Variants in ZNF667 observed in about 807,000 individuals in gnomAD.
ZNF667 encodes myocardial ischemic preconditioning upregulated 1 ortholog.
A neutral mutation model predicts 31.8 loss-of-function variants in ZNF667; 13 were observed. The observed-to-expected ratio is 0.41, with a 90% CI of 0.27 to 0.65. The LOEUF is 0.65. Among genes scored for constraint, ZNF667 ranks in the 30% least tolerant of loss-of-function variants. ZNF667 has a pLI of 0.32. For synonymous variants in ZNF667, 228 were observed against 247.1 expected (o/e 0.92, Z 0.73); for missense variants, 642 against 725.6 (o/e 0.88, Z 1.32).
At chr19:56,468,169 A>T (rs1488347858) in intron 3 of ZNF667, 1 of 152,216 alleles carries the variant, frequency 6.6e-6, no homozygotes, top group African/African-American at 2.4e-5. Flanking sequence ...CACTTCGGGA[A>T]CTGCTTCAGG....
At chr19:56,449,440 C>G (rs10408270) in intron 6 of ZNF667, 5 of 255,138 alleles carry the variant, frequency 2.0e-5, no homozygotes, top group Admixed American at 4.8e-5. Flanking sequence ...CTTTGGGAGG[C>G]CAAGGCGGGC....
In ZNF667 at chr19:56,440,508, A is replaced by C; in HGVS notation, c.*654T>G. ...TATATTTGATAATTCTAGATCTGAG[A>C]AACAGACTCAAATTCTTTTTTCTGT... On this transcript the variant is annotated 3_prime_UTR_variant, in exon 7 of 7. Coordinates refer to ENST00000504904, the MANE Select transcript of ZNF667 (RefSeq NM_001321356.2). The C allele has an allele frequency of 7.3e-6, 6 of 821,986 alleles. No homozygotes were observed. Among genetic ancestry groups the C allele is most frequent in the Non-Finnish European group, 7.3e-6 (5 of 680,832 alleles). The allele number at this position is 821,986 out of a possible 1,614,324, so 50.9% of individuals were successfully genotyped here.
chr19:56,450,515 A>G (rs937596163), intron 6 of ZNF667, among the ~76,000 whole-genome samples: 1 of 152,224 alleles, frequency 6.6e-6, no homozygotes, highest in African/African-American at 2.4e-5. Flanking sequence ...TGACGAATAA[A>G]AAGTCATCTG....
rs111976244 is a variant in ZNF667, at chr19:56,463,772, C to T, written c.-59-1343G>A. Among the ~76,000 whole-genome samples, 1,007 of 152,172 alleles carry T rather than the reference C, an allele frequency of 6.6e-3. 10 individuals are homozygous for T. The highest frequency in any genetic ancestry group is 0.023 in the African/African-American group (965 of 41,514). Reference sequence around the variant, plus strand: ...AACTCCTGGGCTCAAGCAATCAGCCCGCCTAGGCCTTCCAAAGTGCTGGGA... The same window carrying T: ...AACTCCTGGGCTCAAGCAATCAGCCTGCCTAGGCCTTCCAAAGTGCTGGGA... On this transcript the variant is annotated intron_variant, in intron 3 of 6. Coordinates refer to ENST00000504904, the MANE Select transcript of ZNF667 (RefSeq NM_001321356.2).
Position 56,440,649 on chromosome 19 carries a change from T to TC in ZNF667, c.*512_*513insG. The TC allele has an allele frequency of 9.4e-6, 9 of 959,604 alleles. No homozygotes were observed. Among genetic ancestry groups the TC allele is most frequent in the African/African-American group, 1.8e-5 (1 of 56,636 alleles). 59.4% of individuals were successfully genotyped at this position (959,604 alleles called of 1,614,324 possible). ...AAGTAAAATATCGGTAATTTTTTTT[T>TC]TTTTTGACACAGAGTCTTGCTCTGT... On this transcript the variant is annotated 3_prime_UTR_variant, in exon 7 of 7. Coordinates refer to ENST00000504904, the MANE Select transcript of ZNF667 (RefSeq NM_001321356.2).
At chr19:56,467,200 G>A (rs371303002) in intron 3 of ZNF667, 5 of 366,244 alleles carry the variant, frequency 1.4e-5, no homozygotes, top group African/African-American at 6.4e-5. Context: ...AATGGGGTGG[G>A]GGGGAAATGA....
intron 3 of ZNF667, among the ~76,000 whole-genome samples, chr19:56,466,311 C>T (rs1256981379): frequency 6.6e-6 from 1 of 152,210 alleles, no homozygotes; most frequent in Non-Finnish European, 1.5e-5. Flanking sequence ...GCCCTGCAGA[C>T]TCCGAAACAT....
At chr19:56,444,172 C>T in intron 6 of ZNF667, 1 of 398,396 alleles carries the variant, frequency 2.5e-6, no homozygotes, top group Non-Finnish European at 4.4e-6. Flanking sequence ...TAAATAAATA[C>T]TTGAGTGGGT....
At position 56,441,314 on chromosome 19, in the gene ZNF667, C is replaced by T. The variant is rs149224710; in HGVS notation, c.1681G>A (p.Gly561Arg). Residue 561 changes from glycine (G) to arginine (R), a missense_variant, in exon 7 of 7, where the codon GGG (glycine) becomes AGG (arginine). Coordinates refer to ENST00000504904, the MANE Select transcript of ZNF667 (RefSeq NM_001321356.2). The surrounding 1 kb of genome is among the most constrained non-coding windows in gnomAD (Gnocchi z 4.2). ...TCTGAGCCACTGCTAAATGCCTTCCCACATTCATTACATTCATAGGGTTTC... is the reference window on the plus strand; with the variant it reads ...TCTGAGCCACTGCTAAATGCCTTCCTACATTCATTACATTCATAGGGTTTC... ...GEKPYECNECGKAFSSGSDLI... is the reference protein window; with the variant it reads ...GEKPYECNECRKAFSSGSDLI... The T allele has an allele frequency of 1.6e-4, 261 of 1,614,190 alleles. 1 individual carries two copies. In the African/African-American group the frequency reaches 2.9e-3, roughly 18 times the overall value.
At chr19:56,470,118 T>C in intron 3 of ZNF667, 1 of 438,628 alleles carries the variant, frequency 2.3e-6, no homozygotes, top group Non-Finnish European at 4.6e-6. Flanking sequence ...CTCCCTCCTT[T>C]ACATCTGCAA....
At chr19:56,472,257 G>T (rs952207885) in intron 2 of ZNF667, 70 bp from the exon 3 acceptor site, 2 of 152,108 alleles carry the variant, frequency 1.3e-5, no homozygotes, top group Admixed American at 1.3e-4. Context: ...GCCAATTACT[G>T]GCTGTGAAAA....
chr19:56,466,249 A>G (rs1241501687), intron 3 of ZNF667, among the ~76,000 whole-genome samples: 2 of 152,180 alleles, frequency 1.3e-5, no homozygotes, highest in Non-Finnish European at 2.9e-5. Flanking sequence ...TGTGAGCATG[A>G]CTACAGGTTG....
At chr19:56,457,868 G>A (rs1310687639) in intron 6 of ZNF667, among the ~76,000 whole-genome samples, 1 of 152,120 alleles carries the variant, frequency 6.6e-6, no homozygotes, top group South Asian at 2.1e-4. Flanking sequence ...AGTCACGAAG[G>A]TGGAGCCCTC....
At position 56,443,882 on chromosome 19, in the gene ZNF667, G is replaced by A. The variant is rs73064061; in HGVS notation, c.254-1141C>T. Reference sequence around the variant, plus strand: ...TATGGCAAACTGACTATAAACCTGAGTGAATGTGGCATGATAAACACAGGC... The same window carrying A: ...TATGGCAAACTGACTATAAACCTGAATGAATGTGGCATGATAAACACAGGC... On this transcript the variant is annotated intron_variant, in intron 6 of 6. Transcript: ENST00000504904. Among the ~76,000 whole-genome samples, 1,351 of 152,280 alleles carry A rather than the reference G, an allele frequency of 8.9e-3. 15 individuals carry two copies. Among genetic ancestry groups the A allele is most frequent in the South Asian group, 0.034 (166 of 4,828 alleles).
At chr19:56,477,770 G>C (rs2043448526), upstream of ZNF667, 1 of 152,460 alleles carries the variant, frequency 6.6e-6, no homozygotes, top group Non-Finnish European at 1.5e-5. Flanking sequence ...CAGCCAGCCA[G>C]CGTCCTTCGC....
rs1257481486 is a variant in ZNF667 at position 56,441,036 on chromosome 19, T to G, written c.*126A>C. The G allele has an allele frequency of 2.1e-6, 3 of 1,463,198 alleles. No individual in the cohort carries two copies. The highest frequency in any genetic ancestry group is 2.8e-5 in the African/African-American group (2 of 70,960). 90.6% of individuals were successfully genotyped at this position (1,463,198 alleles called of 1,614,324 possible). On this transcript the variant is annotated 3_prime_UTR_variant, in exon 7 of 7. Coordinates refer to ENST00000504904, the MANE Select transcript of ZNF667 (RefSeq NM_001321356.2). The surrounding 1 kb of genome is among the most constrained non-coding windows in gnomAD (Gnocchi z 4.2). ...TCAAAATCACCAATGACTTTTGCTCTTTGGCTTTCAAAGTGGGACATATCA... is the reference window on the plus strand; with the variant it reads ...TCAAAATCACCAATGACTTTTGCTCGTTGGCTTTCAAAGTGGGACATATCA...
intron 6 of ZNF667, among the ~76,000 whole-genome samples, chr19:56,457,300 T>C (rs1381874484): frequency 6.6e-6 from 1 of 151,848 alleles, no homozygotes; most frequent in Non-Finnish European, 1.5e-5. Context: ...GAGGGCAGTC[T>C]ACACCTTCTC....
At chr19:56,457,653 T>C (rs1026226967) in intron 6 of ZNF667, among the ~76,000 whole-genome samples, 7 of 152,230 alleles carry the variant, frequency 4.6e-5, no homozygotes, top group Non-Finnish European at 8.8e-5. Flanking sequence ...TTGAATTCTC[T>C]GTACAGGCCT....
intron 6 of ZNF667, among the ~76,000 whole-genome samples, chr19:56,451,811 G>A (rs1216286878): frequency 1.4e-5 from 2 of 141,556 alleles, no homozygotes; most frequent in Admixed American, 7.4e-5. Flanking sequence ...TGAGGCTGCA[G>A]TGAGTTGTGA....
Sources: gnomAD v4.1 joint callset for allele counts (sites outside exome capture counted in the v4.1 genomes callset) on GRCh38, gnomAD v4.1.1 for gene constraint, Gnocchi (gnomAD v3.1) non-coding constraint, MANE v1.5 for transcripts, NCBI Gene and HGNC (gene_info 2026-07-23, HGNC 2026-07-21) for gene names.